Variants in CYFIP2 observed in about 807,000 individuals in gnomAD.
The protein encoded by CYFIP2 is cytoplasmic FMR1 interacting protein 2.
A neutral mutation model predicts 158.7 loss-of-function variants in CYFIP2; 29 were observed. The ratio of observed to expected loss-of-function variants is 0.18; its 90% CI spans 0.14 to 0.25. The LOEUF (loss-of-function observed/expected upper bound fraction) is 0.25, where lower values mean the gene tolerates loss of function less well. Ranked by LOEUF, CYFIP2 falls within the 10% of genes least tolerant of loss-of-function variation. CYFIP2 has a pLI of 1.00. For synonymous variants in CYFIP2, 585 were observed against 617.6 expected, an observed-to-expected ratio of 0.95 and a Z score of 0.78; for missense variants, 852 against 1,639.5, an observed-to-expected ratio of 0.52 and a Z score of 8.29.
intron 1 of CYFIP2, among the ~76,000 whole-genome samples, chr5:157,273,087 A>G (rs927941639): frequency 1.3e-5 from 2 of 152,050 alleles, no homozygotes; most frequent in African/African-American, 4.8e-5. Flanking sequence ...GCTGGTCTTG[A>G]ACTCCTGATC....
At chr5:157,343,381 C>T (rs201079002) in intron 23 of CYFIP2, 2 of 1,614,094 alleles carry the variant, frequency 1.2e-6, no homozygotes, top group Non-Finnish European at 1.7e-6. Flanking sequence ...GAGGCACCTT[C>T]TCCTCGTGGT....
intron 21 of CYFIP2, among the ~76,000 whole-genome samples, chr5:157,333,744 C>G (rs1253697906): frequency 6.6e-6 from 1 of 152,174 alleles, no homozygotes; most frequent in African/African-American, 2.4e-5. Context: ...GTGAGGGGTC[C>G]TAAGAAGCTA....
chr5:157,285,969 A>T (rs561425904), intron 2 of CYFIP2, among the ~76,000 whole-genome samples: 2 of 152,246 alleles, frequency 1.3e-5, no homozygotes, highest in Admixed American at 6.5e-5. Flanking sequence ...ACTATGACCT[A>T]TCAGGGCCGG....
intron 26 of CYFIP2, among the ~76,000 whole-genome samples, chr5:157,370,972 T>G (rs1764939688): frequency 6.6e-6 from 1 of 152,160 alleles, no homozygotes; most frequent in Non-Finnish European, 1.5e-5. Flanking sequence ...ACTGATAGAT[T>G]TAGCAAGGGC....
At chr5:157,291,185 G>A (rs1580985337) in intron 3 of CYFIP2, among the ~76,000 whole-genome samples, 1 of 152,206 alleles carries the variant, frequency 6.6e-6, no homozygotes, top group Non-Finnish European at 1.5e-5. Flanking sequence ...CTGGGGCATG[G>A]CTTAGGCATC....
At chr5:157,282,800 C>T (rs1355160574) in intron 1 of CYFIP2, among the ~76,000 whole-genome samples, 9 of 152,194 alleles carry the variant, frequency 5.9e-5, no homozygotes, top group Non-Finnish European at 4.4e-5. Flanking sequence ...TCGATCTAAT[C>T]AGTGAGAAAT....
At chr5:157,313,323 A>G (rs1337700115) in intron 11 of CYFIP2, among the ~76,000 whole-genome samples, 1 of 152,256 alleles carries the variant, frequency 6.6e-6, no homozygotes, top group Non-Finnish European at 1.5e-5. Context: ...GACCAACAGA[A>G]CTATAACTCA....
intron 28 of CYFIP2, 85 bp from the exon 29 acceptor site, chr5:157,389,104 C>T: frequency 7.4e-7 from 1 of 1,345,494 alleles, no homozygotes; most frequent in Non-Finnish European, 1.0e-6. Flanking sequence ...GTGCAGCCAG[C>T]TCCAGAGTTC....
intron 3 of CYFIP2, among the ~76,000 whole-genome samples, chr5:157,292,722 C>T (rs889227343): frequency 6.6e-6 from 1 of 152,126 alleles, no homozygotes; most frequent in Non-Finnish European, 1.5e-5. Context: ...ACACATTTTT[C>T]TGTGTGGACA....
chr5:157,387,166 A>G (rs894050496), intron 28 of CYFIP2, among the ~76,000 whole-genome samples: 4 of 152,216 alleles, frequency 2.6e-5, no homozygotes, highest in African/African-American at 9.6e-5. Context: ...CACATACCTA[A>G]ACAAATCATA....
At chr5:157,308,859 C>T (rs542487879) in intron 9 of CYFIP2, among the ~76,000 whole-genome samples, 1 of 152,310 alleles carries the variant, frequency 6.6e-6, no homozygotes, top group Non-Finnish European at 1.5e-5. Flanking sequence ...CAACCTCTCC[C>T]TTGGCAGGCC....
chr5:157,322,935 G>A (rs1160194798), intron 15 of CYFIP2: 1 of 1,535,154 alleles, frequency 6.5e-7, no homozygotes, highest in Non-Finnish European at 8.7e-7. Context: ...TCCTATCTAT[G>A]TCTTAGGCCT....
chr5:157,288,708 C>A, intron 3 of CYFIP2: 1 of 440,016 alleles, frequency 2.3e-6, no homozygotes, highest in Admixed American at 2.5e-5. Context: ...AACTGGAGCC[C>A]AAAAAAATTG....
rs201201585 is a variant in CYFIP2, at chr5:157,369,257, C to CTGA, written c.3039+7661_3039+7663dup. Among the ~76,000 whole-genome samples the CTGA allele has an allele frequency of 9.7e-3, 1,474 of 152,212 alleles. 22 individuals are homozygous for CTGA. Among genetic ancestry groups the CTGA allele is most frequent in the African/African-American group, 0.033 (1,369 of 41,504 alleles). ...AACAATAGCAACAATATAGATTTGACTGATAAACATTTATCAGTTAAAGTT... is the reference window on the plus strand; with the variant it reads ...AACAATAGCAACAATATAGATTTGACTGATGATAAACATTTATCAGTTAAAGTT... On this transcript the variant is annotated intron_variant, in intron 26 of 30. Transcript: ENST00000620254.
At chr5:157,298,856 A>G (rs890971525) in intron 5 of CYFIP2, among the ~76,000 whole-genome samples, 8 of 152,182 alleles carry the variant, frequency 5.3e-5, no homozygotes, top group African/African-American at 1.7e-4. Context: ...TTCAGTTAGC[A>G]TTATGTTTTT....
intron 26 of CYFIP2, among the ~76,000 whole-genome samples, chr5:157,367,539 A>G (rs917737881): frequency 6.6e-6 from 1 of 152,230 alleles, no homozygotes; most frequent in Non-Finnish European, 1.5e-5. Context: ...GTATTACAGT[A>G]CAGACAGATG....
intron 26 of CYFIP2, among the ~76,000 whole-genome samples, chr5:157,380,934 G>T (rs746554460): frequency 1.8e-4 from 28 of 152,166 alleles, no homozygotes; most frequent in Non-Finnish European, 3.2e-4. Flanking sequence ...GGAGGAAAGG[G>T]CCGTGCGCAG....
chr5:157,297,960 C>A (rs1236180), intron 5 of CYFIP2, among the ~76,000 whole-genome samples: 127,789 of 152,190 alleles, frequency 0.84, 53,914 homozygotes, highest in East Asian at 0.99. Flanking sequence ...TTTTCATCTC[C>A]CAGAGTTTAG....
At chr5:157,364,991 T>C (rs528876017) in intron 26 of CYFIP2, 2 of 152,228 alleles carry the variant, frequency 1.3e-5, no homozygotes, top group Admixed American at 6.5e-5. Context: ...GATACAATAT[T>C]GAGCTTTAAA....
Sources: gnomAD v4.1 joint callset for allele counts (sites outside exome capture counted in the v4.1 genomes callset) on GRCh38, gnomAD v4.1.1 for gene constraint, MANE v1.5 for transcripts, NCBI Gene and HGNC (gene_info 2026-07-23, HGNC 2026-07-21) for gene names.